Variants in ANXA11 observed in about 807,000 individuals in gnomAD.
ANXA11 encodes 56 kDa autoantigen.
In ANXA11, 57 loss-of-function variants were observed where a neutral mutation model predicts 64.7. That is an observed-to-expected ratio of 0.88 (90% CI 0.71 to 1.10). The LOEUF is 1.10. Ranked by LOEUF, ANXA11 falls within the 50% of genes least tolerant of loss-of-function variation. The pLI, the probability that ANXA11 is intolerant of heterozygous loss-of-function variation, is 0.00. For synonymous variants in ANXA11, 260 were observed against 265.2 expected (o/e 0.98, Z 0.19); for missense variants, 675 against 670.7 (o/e 1.01, Z -0.07).
At chr10:80,176,981 C>CTTTT (rs10699670) in intron 1 of ANXA11, among the ~76,000 whole-genome samples, 2 of 140,220 alleles carry the variant, frequency 1.4e-5, no homozygotes, top group African/African-American at 2.6e-5. Flanking sequence ...CTGCTCCCCA[C>CTTTT]TTTTTTTTTT....
At chr10:80,157,891 T>G in intron 14 of ANXA11, 76 bp downstream of exon 14, 2 of 1,597,962 alleles carry the variant, frequency 1.3e-6, no homozygotes, top group Non-Finnish European at 1.7e-6. Flanking sequence ...TCCCCAGGCC[T>G]TCTGCCCTCA....
intron 5 of ANXA11, among the ~76,000 whole-genome samples, chr10:80,168,017 G>T (rs148631966): frequency 3.3e-5 from 5 of 152,150 alleles, no homozygotes; most frequent in Non-Finnish European, 7.3e-5. Context: ...CAGGGTGGGG[G>T]AACGTGTGGG....
chr10:80,173,564 C>A (rs983213446), intron 2 of ANXA11, among the ~76,000 whole-genome samples: 3 of 150,894 alleles, frequency 2.0e-5, no homozygotes, highest in Non-Finnish European at 4.4e-5. Flanking sequence ...TGGACAGGTG[C>A]CAGGTGAGAC....
intron 1 of ANXA11, among the ~76,000 whole-genome samples, chr10:80,201,360 C>A (rs1169972210): frequency 6.6e-6 from 1 of 152,102 alleles, no homozygotes; most frequent in African/African-American, 2.4e-5. Context: ...CTCAGCTGTT[C>A]GAGGTGAGTT....
rs1564614101 is a variant in ANXA11 at position 80,173,042 on chromosome 10, G to A, written c.-8-173C>T. The A allele has an allele frequency of 5.1e-6, 3 of 592,258 alleles. No individual in the cohort carries two copies. In the South Asian group the frequency reaches 5.9e-5, roughly 12 times the overall value. The allele number at this position is 592,258 out of a possible 1,614,324, so 36.7% of individuals were successfully genotyped here. ...TCACTGTCTCCTGCTGGTGCCTCCAGCTAGAAACAGTACCCACCAGCATGC... is the reference window on the plus strand; with the variant it reads ...TCACTGTCTCCTGCTGGTGCCTCCAACTAGAAACAGTACCCACCAGCATGC... On this transcript the variant is annotated intron_variant, in intron 2 of 15. Transcript: ENST00000422982.
chr10:80,183,602 G>A (rs1039038184), intron 1 of ANXA11, among the ~76,000 whole-genome samples: 4 of 152,216 alleles, frequency 2.6e-5, no homozygotes, highest in Admixed American at 1.3e-4. Context: ...GGCAGCTGAC[G>A]ACAAAACCTG....
chr10:80,184,911 G>T (rs1324321471), intron 1 of ANXA11, among the ~76,000 whole-genome samples: 2 of 152,192 alleles, frequency 1.3e-5, no homozygotes, highest in Non-Finnish European at 2.9e-5. Context: ...AATGCAGCTT[G>T]AGTGGAAGAA....
intron 1 of ANXA11, among the ~76,000 whole-genome samples, chr10:80,203,770 G>A (rs1475077016): frequency 2.0e-5 from 3 of 152,238 alleles, no homozygotes; most frequent in Non-Finnish European, 4.4e-5. Context: ...ATGGCTCCCA[G>A]GAGGGTGGAG....
chr10:80,179,939 A>G (rs1205038936), intron 1 of ANXA11, among the ~76,000 whole-genome samples: 1 of 152,044 alleles, frequency 6.6e-6, no homozygotes, highest in Non-Finnish European at 1.5e-5. Context: ...TGCCATCCCT[A>G]TTAAAGTTGA....
At position 80,157,667 on chromosome 10, in the gene ANXA11, C is replaced by T. The variant is rs774676209; in HGVS notation, c.1432G>A (p.Gly478Ser). 9 of 1,613,674 alleles carry T rather than the reference C, an allele frequency of 5.6e-6. No individual in the cohort carries two copies. Among genetic ancestry groups the T allele is most frequent in the East Asian group, 2.2e-5 (1 of 44,854 alleles). ...DIRSEYKRMY[G>S]KSLYHDISGD... is the part of the protein sequence containing the mutation. ...GAGATGTCGTGGTACAGCGACTTGC[C>T]GTACATCCGCTTATACTCTGATCTG... The change falls in exon 15 of 16, where the codon GGC becomes AGC. Residue 478 changes from glycine to serine, a missense_variant. By Grantham distance (56) the Gly-to-Ser change is moderately conservative. Transcript: ENST00000422982.
At chr10:80,163,669 A>G (rs536022120) in intron 9 of ANXA11, 56 bp from the exon 10 acceptor site, 2 of 1,460,780 alleles carry the variant, frequency 1.4e-6, no homozygotes, top group Non-Finnish European at 1.9e-6. Flanking sequence ...GGAGCTGCCC[A>G]TTGCAAAACA....
At chr10:80,192,336 AG>A (rs992158564) in intron 1 of ANXA11, among the ~76,000 whole-genome samples, 12 of 152,248 alleles carry the variant, frequency 7.9e-5, no homozygotes, top group Admixed American at 3.3e-4. Context: ...TCATATAGAC[AG>A]CAAAGGGTCA....
At chr10:80,164,996 A>T (rs1845667517) in intron 8 of ANXA11, among the ~76,000 whole-genome samples, 1 of 152,178 alleles carries the variant, frequency 6.6e-6, no homozygotes, top group Non-Finnish European at 1.5e-5. Flanking sequence ...CAGGTGCTCA[A>T]GGACACACAG....
intron 12 of ANXA11, 25 bp from the exon 13 acceptor site, chr10:80,159,220 T>C (rs771102449): frequency 1.9e-5 from 30 of 1,590,294 alleles, no homozygotes; most frequent in Admixed American, 1.3e-4. Flanking sequence ...GAGGCTTATA[T>C]TATGAACTGA....
At chr10:80,166,689 C>G (rs1025801977) in intron 7 of ANXA11, 6 of 587,768 alleles carry the variant, frequency 1.0e-5, no homozygotes, top group Non-Finnish European at 1.5e-5. Flanking sequence ...ATGTCTGGAG[C>G]CTCTCAGCAA....
At chr10:80,166,685 G>A (rs555865535) in intron 7 of ANXA11, 2 of 586,510 alleles carry the variant, frequency 3.4e-6, no homozygotes, top group South Asian at 4.0e-5. Context: ...ATAGATGTCT[G>A]GAGCCTCTCA....
chr10:80,196,319 G>A (rs1385582859), intron 1 of ANXA11, among the ~76,000 whole-genome samples: 1 of 152,186 alleles, frequency 6.6e-6, no homozygotes, highest in Non-Finnish European at 1.5e-5. Context: ...GCTACAGGCT[G>A]TAGGACAGGC....
chr10:80,187,758 CAA>C (rs1846603674), intron 1 of ANXA11, among the ~76,000 whole-genome samples: 1 of 152,132 alleles, frequency 6.6e-6, no homozygotes, highest in African/African-American at 2.4e-5. Flanking sequence ...GAGGGACCAG[CAA>C]AACAATGGTA....
At chr10:80,174,010 TA>T (rs1389978323) in intron 2 of ANXA11, among the ~76,000 whole-genome samples, 1 of 152,202 alleles carries the variant, frequency 6.6e-6, no homozygotes, top group Non-Finnish European at 1.5e-5. Context: ...TATCCAACTA[TA>T]AGAGTCTAGC....
Sources: allele counts gnomAD v4.1 joint callset (sites outside exome capture counted in the v4.1 genomes callset), GRCh38; gene constraint gnomAD v4.1.1; transcripts MANE v1.5; gene names NCBI Gene and HGNC (gene_info 2026-07-23, HGNC 2026-07-21).